The following ZMYM4 variants were observed in gnomAD, a reference collection of about 807,000 sequenced individuals.
ZMYM4 encodes the protein zinc finger MYM-type protein 4.
A neutral mutation model predicts 183.2 loss-of-function variants in ZMYM4; 31 were observed. That is an observed-to-expected ratio of 0.17 (90% CI 0.13 to 0.23). The LOEUF (loss-of-function observed/expected upper bound fraction) is 0.23. ZMYM4 is among the 10% of genes least tolerant of loss of function. The pLI is 1.00. For synonymous variants in ZMYM4, 592 were observed against 631.2 expected, an observed-to-expected ratio of 0.94 and a Z score of 0.93; for missense variants, 1,273 against 1,840.3, an observed-to-expected ratio of 0.69 and a Z score of 5.64.
chr1:35,325,321 A>G (rs910137368), intron 1 of ZMYM4, 39 bp from the exon 2 acceptor site: 2 of 1,574,582 alleles, frequency 1.3e-6, no homozygotes, highest in Admixed American at 3.5e-5. Context: ...GATAGAAGAT[A>G]TGATGGTAAT....
At position 35,399,507 on chromosome 1, in the gene ZMYM4, A is replaced by G. The variant is rs1644865246; in HGVS notation, c.3459A>G (p.Gly1153=). Residue 1153 remains glycine (G), a synonymous_variant, in exon 23 of 30, where the codon GGA becomes GGG. Transcript: ENST00000314607. ...ACTCCTTTGACCCACTTAATAAAGG[A>G]CAGGGAATCCAGGCACGTTCCCGAA... is the stretch of plus-strand genomic sequence containing the variant. ...PSDSFDPLNK[G]QGIQARSRTR... The G allele has an allele frequency of 1.2e-6, 2 of 1,614,014 alleles. No homozygotes were observed. Among genetic ancestry groups the G allele is most frequent in the Middle Eastern group, 1.6e-4 (1 of 6,084 alleles).
chr1:35,415,445 T>C (rs1164101572), intron 27 of ZMYM4, 21 bp from the exon 28 acceptor site: 1 of 1,614,048 alleles, frequency 6.2e-7, no homozygotes. Context: ...TACTGTTTCT[T>C]GTACCCCTTC....
rs776738309 is a variant in ZMYM4 at position 35,387,069 on chromosome 1, G to A, written c.1903G>A (p.Val635Ile). Residue 635 changes from valine (V) to isoleucine (I), a missense_variant, in exon 12 of 30, where the codon GTA (valine) becomes ATA (isoleucine). By Grantham distance (29) the Val-to-Ile change is conservative. Coordinates refer to ENST00000314607, the MANE Select transcript of ZMYM4 (RefSeq NM_005095.3). ...GCCCTTGTCTCAGGGCCAAGTAATTGTAAGCATCCCCACAGGTTCCACAGT... is the reference window on the plus strand; with the variant it reads ...GCCCTTGTCTCAGGGCCAAGTAATTATAAGCATCCCCACAGGTTCCACAGT... ...VVPLSQGQVI[V>I]SIPTGSTVSA... 3.2e-5 allele frequency: 51 copies of A among 1,614,104 alleles called. No individual in the cohort carries two copies. Among genetic ancestry groups the A allele is most frequent in the Non-Finnish European group, 3.9e-5 (46 of 1,180,042 alleles).
chr1:35,374,878 A>G (rs560628492), intron 7 of ZMYM4, among the ~76,000 whole-genome samples: 2 of 152,120 alleles, frequency 1.3e-5, no homozygotes, highest in African/African-American at 2.4e-5. Context: ...CCTAAGCTTT[A>G]TTAGAGACAG....
intron 1 of ZMYM4, among the ~76,000 whole-genome samples, chr1:35,310,947 A>T (rs1219063845): frequency 6.6e-6 from 1 of 152,036 alleles, no homozygotes; most frequent in Non-Finnish European, 1.5e-5. Context: ...TTTGGTGCAT[A>T]CTGGATTGAA....
intron 1 of ZMYM4, among the ~76,000 whole-genome samples, chr1:35,314,982 G>A (rs1354536875): frequency 2.0e-5 from 3 of 151,182 alleles, no homozygotes; most frequent in African/African-American, 4.9e-5. Context: ...CCGAGATCAC[G>A]CCATTGTACT....
intron 2 of ZMYM4, 65 bp downstream of exon 2, chr1:35,325,470 G>A (rs1570357142): frequency 6.6e-7 from 1 of 1,505,790 alleles, no homozygotes; most frequent in East Asian, 2.3e-5. Context: ...ATCTAGATGT[G>A]GTATTTAACT....
At chr1:35,345,517 C>T (rs1411348926) in intron 2 of ZMYM4, among the ~76,000 whole-genome samples, 2 of 151,940 alleles carry the variant, frequency 1.3e-5, no homozygotes, top group South Asian at 2.1e-4. Flanking sequence ...GGCAGTGGTG[C>T]GATCTCGACT....
intron 26 of ZMYM4, among the ~76,000 whole-genome samples, chr1:35,411,594 C>G (rs572261017): frequency 6.6e-6 from 1 of 152,254 alleles, no homozygotes; most frequent in South Asian, 2.1e-4. Flanking sequence ...CTTTGAAATT[C>G]TATGTCAATT....
At chr1:35,283,613 A>G (rs1247796082) in intron 1 of ZMYM4, among the ~76,000 whole-genome samples, 1 of 151,944 alleles carries the variant, frequency 6.6e-6, no homozygotes, top group African/African-American at 2.4e-5. Flanking sequence ...CTGGGATTAC[A>G]GGTGTGAGGC....
intron 1 of ZMYM4, among the ~76,000 whole-genome samples, chr1:35,321,065 A>AT (rs1234718523): frequency 6.6e-6 from 1 of 152,240 alleles, no homozygotes; most frequent in Non-Finnish European, 1.5e-5. Flanking sequence ...CAAGGTTTGT[A>AT]TAACCCCTGT....
intron 7 of ZMYM4, among the ~76,000 whole-genome samples, chr1:35,377,403 A>G (rs1050428676): frequency 1.3e-5 from 2 of 152,234 alleles, no homozygotes; most frequent in African/African-American, 4.8e-5. Context: ...GTTATGTATT[A>G]TAGTAAAATA....
At chr1:35,393,458 T>C in intron 17 of ZMYM4, 137 bp from the exon 18 acceptor site, 1 of 727,682 alleles carries the variant, frequency 1.4e-6, no homozygotes. Flanking sequence ...GTATTTCTTA[T>C]ACATTTGGTT....
At position 35,408,016 on chromosome 1, in the gene ZMYM4, A is replaced by G. The variant is rs376260537; in HGVS notation, c.3805A>G (p.Ile1269Val). The G allele has an allele frequency of 2.3e-5, 37 of 1,614,090 alleles. No homozygotes were observed. The highest frequency in any genetic ancestry group is 8.0e-5 in the African/African-American group (6 of 74,944). ...TTTCTACCTTTCCACAGTCCGCTCT[A>G]TCAAGCTGAAGGAAGACATTCTGTC... is the stretch of plus-strand genomic sequence containing the variant. Reference protein sequence around the residue: ...SSEPGCRVRSIKLKEDILSCT... With the variant: ...SSEPGCRVRSVKLKEDILSCT... The change falls in exon 26 of 30, where the codon ATC becomes GTC. Residue 1269 changes from isoleucine to valine, a missense_variant. Transcript: ENST00000314607.
chr1:35,323,957 A>C (rs1195620653), intron 1 of ZMYM4, among the ~76,000 whole-genome samples: 1 of 152,034 alleles, frequency 6.6e-6, no homozygotes, highest in African/African-American at 2.4e-5. Flanking sequence ...GCTTTCCTTT[A>C]CTTTCCAATG....
intron 25 of ZMYM4, among the ~76,000 whole-genome samples, 156 bp downstream of exon 25, chr1:35,405,624 G>A (rs1644988483): frequency 6.6e-6 from 1 of 152,138 alleles, no homozygotes. Flanking sequence ...TGTTATAAGG[G>A]TAAGGTTATG....
chr1:35,405,056 A>G lies in ZMYM4; in HGVS notation c.3562A>G (p.Arg1188Gly). 6.2e-7 allele frequency: 1 copy of G among 1,613,924 alleles called. No individual in the cohort carries two copies. The highest frequency in any genetic ancestry group is 1.1e-5 in the South Asian group (1 of 91,022). ...GAAGTCTATAGTGGCTGTGGAGCCC[A>G]GGAGTCTTATTCAAGGAGCCTTTCA... ...RKKSIVAVEP[R>G]SLIQGAFQGC... Residue 1188 changes from arginine to glycine, a missense_variant, in exon 24 of 30, where the codon AGG (arginine) becomes GGG (glycine). Arg to Gly is a moderately radical substitution (Grantham distance 125, BLOSUM62 -2). Transcript: ENST00000314607.
At chr1:35,320,109 C>G (rs182778845) in intron 1 of ZMYM4, among the ~76,000 whole-genome samples, 1 of 152,126 alleles carries the variant, frequency 6.6e-6, no homozygotes, top group African/African-American at 2.4e-5. Context: ...GCACACAGCT[C>G]CTAAAACTGT....
At chr1:35,275,281 G>A (rs1216826741) in intron 1 of ZMYM4, among the ~76,000 whole-genome samples, 3 of 151,148 alleles carry the variant, frequency 2.0e-5, no homozygotes, top group East Asian at 1.9e-4. Flanking sequence ...TTGCTCTGTC[G>A]CCTAGGCTGG....
Sources: gnomAD v4.1 joint callset for allele counts (sites outside exome capture counted in the v4.1 genomes callset) on GRCh38, gnomAD v4.1.1 for gene constraint, MANE v1.5 for transcripts, NCBI Gene and HGNC (gene_info 2026-07-23, HGNC 2026-07-21) for gene names.